Variants in TSPAN32 observed in about 807,000 individuals in gnomAD.
TSPAN32 encodes the protein tetraspanin-32.
Under a neutral mutation model 42.7 loss-of-function variants are expected in TSPAN32, and 47 were observed. That is an observed-to-expected ratio of 1.10 (90% CI 0.87 to 1.40). The LOEUF (loss-of-function observed/expected upper bound fraction) is 1.40. Ranked by LOEUF, TSPAN32 falls within the 40% of genes most tolerant of loss-of-function variation. The pLI, the probability that TSPAN32 is intolerant of heterozygous loss-of-function variation, is 0.00. For synonymous variants in TSPAN32, 175 were observed against 175.9 expected (o/e 0.99, Z 0.04); for missense variants, 469 against 424.1 (o/e 1.11, Z -0.93).
chr11:2,309,385 C>A (rs1268490430), intron 4 of TSPAN32: 10 of 468,968 alleles, frequency 2.1e-5, no homozygotes, highest in Non-Finnish European at 4.4e-5. Context: ...TGACCGTGGG[C>A]AGGGGCCAAG....
chr11:2,315,363 TG>T, intron 6 of TSPAN32: 1 of 1,154,470 alleles, frequency 8.7e-7, no homozygotes, highest in South Asian at 1.7e-5. Context: ...GCGCTGAGGA[TG>T]GTGCTGGGGA....
chr11:2,308,861 G>A, intron 4 of TSPAN32, 51 bp downstream of exon 4: 2 of 1,240,614 alleles, frequency 1.6e-6, no homozygotes, highest in Non-Finnish European at 2.3e-6. Context: ...CAGTAAGCCA[G>A]TGGGCACCTG....
intron 8 of TSPAN32, among the ~76,000 whole-genome samples, chr11:2,316,941 C>T (rs1357829872): frequency 6.6e-6 from 1 of 152,070 alleles, no homozygotes; most frequent in African/African-American, 2.4e-5. Context: ...GCTTCTGGGC[C>T]TCCAGGTTAT....
At chr11:2,305,614 C>T (rs1007473169) in intron 3 of TSPAN32, among the ~76,000 whole-genome samples, 2 of 152,238 alleles carry the variant, frequency 1.3e-5, no homozygotes, top group Non-Finnish European at 2.9e-5. Context: ...CCACCTTGCC[C>T]CCGTGCACAA....
At chr11:2,312,207 G>A (rs759221184) in intron 4 of TSPAN32, among the ~76,000 whole-genome samples, 3 of 152,236 alleles carry the variant, frequency 2.0e-5, no homozygotes, top group Non-Finnish European at 4.4e-5. Context: ...CCTGACAATG[G>A]GAACAGTCAT....
At chr11:2,316,004 G>A (rs576234261) in intron 6 of TSPAN32, 134 of 1,533,958 alleles carry the variant, frequency 8.7e-5, no homozygotes, top group Non-Finnish European at 1.1e-4. Context: ...GCCCAGGGCA[G>A]TGCCAGAGTG....
In TSPAN32 at chr11:2,313,883, A is replaced by T. The variant is rs1589814970; in HGVS notation, c.456+128A>T. The T allele has an allele frequency of 2.6e-6, 2 of 764,242 alleles. No individual in the cohort carries two copies. The highest frequency in any genetic ancestry group is 5.5e-5 in the East Asian group (2 of 36,596). 47.3% of individuals were successfully genotyped at this position (764,242 alleles called of 1,614,324 possible). A position where few individuals can be genotyped will look rare whatever the true frequency, so the allele number is the denominator to read the frequency against. On this transcript the variant is annotated intron_variant, in intron 5 of 9. Coordinates refer to ENST00000182290, the MANE Select transcript of TSPAN32 (RefSeq NM_139022.3). This position sits in a 1 kb window ranked among gnomAD's most constrained non-coding sequence, Gnocchi z 9.1. ...GAGGGGGTTCCAGGACACAGGCCAGAGTTGCCCCTCAGGGCTGGGGGCAAA... is the reference window on the plus strand; with the variant it reads ...GAGGGGGTTCCAGGACACAGGCCAGTGTTGCCCCTCAGGGCTGGGGGCAAA...
intron 8 of TSPAN32, 83 bp downstream of exon 8, chr11:2,316,750 G>A (rs528680633): frequency 1.1e-5 from 16 of 1,417,090 alleles, no homozygotes; most frequent in Admixed American, 2.5e-5. Flanking sequence ...CAGCTGCTAG[G>A]AGGGAGCCCC....
At chr11:2,310,434 T>C (rs1451871743) in intron 4 of TSPAN32, among the ~76,000 whole-genome samples, 1 of 152,136 alleles carries the variant, frequency 6.6e-6, no homozygotes, top group East Asian at 1.9e-4. Flanking sequence ...GTCTGGCCCG[T>C]GCGCCCAGCT....
chr11:2,317,716 G>C lies in TSPAN32; in HGVS notation c.902-147G>C. On this transcript the variant is annotated intron_variant, in intron 9 of 9. Coordinates refer to ENST00000182290, the MANE Select transcript of TSPAN32 (RefSeq NM_139022.3). This position sits in a 1 kb window ranked among gnomAD's most constrained non-coding sequence, Gnocchi z 6.2. ...CAAGCACAAAGGAAACCACACTGGA[G>C]GCAGCAGCCCAGGGCAGACTGCAAG... 6.7e-7 allele frequency: 1 copy of C among 1,500,170 alleles called. No homozygotes were observed. Among genetic ancestry groups the C allele is most frequent in the Non-Finnish European group, 8.8e-7 (1 of 1,133,272 alleles). The allele number at this position is 1,500,170 out of a possible 1,614,324, so 92.9% of individuals were successfully genotyped here.
chr11:2,308,912 C>T, intron 4 of TSPAN32, 102 bp downstream of exon 4: 1 of 798,818 alleles, frequency 1.3e-6, no homozygotes, highest in Non-Finnish European at 2.0e-6. Context: ...CCCCAGCTTC[C>T]AGGCTTGTGC....
intron 1 of TSPAN32, chr11:2,302,590 G>C (rs1022401912): frequency 2.1e-5 from 12 of 563,976 alleles, no homozygotes; most frequent in Admixed American, 1.9e-4. Context: ...AATGATCAGA[G>C]GTCCTGGGTG....
intron 4 of TSPAN32, among the ~76,000 whole-genome samples, chr11:2,310,881 G>A (rs1219375422): frequency 2.6e-5 from 4 of 152,184 alleles, no homozygotes; most frequent in Non-Finnish European, 5.9e-5. Context: ...TGAGCAGGAG[G>A]GGCGGCTGCA....
chr11:2,302,656 T>A, intron 1 of TSPAN32, 188 bp from the exon 2 acceptor site: 1 of 595,208 alleles, frequency 1.7e-6, no homozygotes, highest in Non-Finnish European at 3.0e-6. Context: ...TGCCTGTGAG[T>A]GTGCTGGGGC....
At chr11:2,302,710 G>T in intron 1 of TSPAN32, 134 bp from the exon 2 acceptor site, 1 of 711,482 alleles carries the variant, frequency 1.4e-6, no homozygotes, top group South Asian at 1.8e-5. Flanking sequence ...GGAAACACCG[G>T]GAATCCCTGC....
At chr11:2,315,186 T>TGCTCCCCTCCCC (rs1197470897) in intron 6 of TSPAN32, 6 of 383,546 alleles carry the variant, frequency 1.6e-5, no homozygotes, top group Admixed American at 5.6e-5. Flanking sequence ...GCCCCCTCCC[T>TGCTCCCCTCCCC]GCTCCCCTCC....
At chr11:2,314,135 C>A (rs1376657609) in intron 5 of TSPAN32, among the ~76,000 whole-genome samples, 5 of 141,944 alleles carry the variant, frequency 3.5e-5, no homozygotes, top group Non-Finnish European at 7.6e-5. Flanking sequence ...CCAGCCTGAG[C>A]AACATAGGGA....
Position 2,304,739 on chromosome 11 carries a change from C to A in TSPAN32, c.279+535C>A, listed in dbSNP as rs999881638. Among the ~76,000 whole-genome samples the A allele has an allele frequency of 7.9e-5, 12 of 151,938 alleles. No individual in the cohort carries two copies. The highest frequency in any genetic ancestry group is 2.2e-4 in the African/African-American group (9 of 41,376). ...CTCCCCAGCCCCGAGGTCCCATAGG[C>A]CCCTCCACCCCACCCCATAGCAGTG... is the stretch of plus-strand genomic sequence containing the variant. On this transcript the variant is annotated intron_variant, in intron 3 of 9. Transcript: ENST00000182290. The surrounding 1 kb of genome is among the most constrained non-coding windows in gnomAD (Gnocchi z 4.8).
At position 2,313,825 on chromosome 11, in the gene TSPAN32, C is replaced by T. The variant is rs1848622302; in HGVS notation, c.456+70C>T. ...TGGACTGCAGTTCAGAGAACAGGCG[C>T]AGGGTGGCCAGTGAGAGGTCTGGCC... On this transcript the variant is annotated intron_variant, in intron 5 of 9. Transcript: ENST00000182290. The surrounding 1 kb of genome is among the most constrained non-coding windows in gnomAD (Gnocchi z 9.1). The T allele has an allele frequency of 4.0e-6, 5 of 1,258,936 alleles. No individual in the cohort carries two copies. The highest frequency in any genetic ancestry group is 4.4e-6 in the Non-Finnish European group (4 of 899,344). 78.0% of individuals were successfully genotyped at this position (1,258,936 alleles called of 1,614,324 possible).
Sources: allele counts gnomAD v4.1 joint callset (sites outside exome capture counted in the v4.1 genomes callset), GRCh38; gene constraint gnomAD v4.1.1; non-coding constraint Gnocchi (gnomAD v3.1); transcripts MANE v1.5; gene names NCBI Gene and HGNC (gene_info 2026-07-23, HGNC 2026-07-21).